SETBP1: variants seen among roughly 807,000 people sequenced by gnomAD.
The protein encoded by SETBP1 is SET-binding protein.
A neutral mutation model predicts 101.0 loss-of-function variants in SETBP1; 9 were observed. That is an observed-to-expected ratio of 0.09 (90% CI 0.05 to 0.16). SETBP1 has a LOEUF of 0.16. SETBP1 is among the 10% of genes least tolerant of loss of function. The probability of loss-of-function intolerance (pLI) is 1.00; values close to 1 mark genes in which losing one functional copy is unlikely to be tolerated. For synonymous variants in SETBP1, 818 were observed against 788.5 expected (o/e 1.04, Z -0.63); for missense variants, 1,858 against 2,033.8 (o/e 0.91, Z 1.66).
chr18:44,977,115 A>G (rs989355847), intron 4 of SETBP1, among the ~76,000 whole-genome samples: 2 of 152,152 alleles, frequency 1.3e-5, no homozygotes, highest in Non-Finnish European at 2.9e-5. Context: ...ATGGTCCTTA[A>G]CCTTCACTGT....
chr18:44,735,936 G>A (rs1264177873), intron 2 of SETBP1, among the ~76,000 whole-genome samples: 1 of 152,206 alleles, frequency 6.6e-6, no homozygotes, highest in African/African-American at 2.4e-5. Context: ...GCTATCTTCA[G>A]CTGCTGTGGT....
chr18:45,038,763 C>A, intron 5 of SETBP1, 108 bp downstream of exon 5: 1 of 1,194,576 alleles, frequency 8.4e-7, no homozygotes, highest in Non-Finnish European at 1.2e-6. Flanking sequence ...GTTTTGCCAT[C>A]CTCCCCTAGA....
intron 4 of SETBP1, among the ~76,000 whole-genome samples, chr18:44,998,000 C>T (rs1301940897): frequency 6.6e-6 from 1 of 152,180 alleles, no homozygotes; most frequent in Non-Finnish European, 1.5e-5. Flanking sequence ...ATCTTTAGCA[C>T]ATATTGTAAC....
chr18:44,688,567 C>T (rs2068875810), intron 1 of SETBP1, among the ~76,000 whole-genome samples: 1 of 151,808 alleles, frequency 6.6e-6, no homozygotes, highest in Non-Finnish European at 1.5e-5. Context: ...ATTCTCCTGC[C>T]TCAGCCTCCC....
rs570387384 is a variant in SETBP1, at chr18:45,029,046, T to C, written c.4001-9439T>C. Among the ~76,000 whole-genome samples the C allele has an allele frequency of 7.2e-5, 11 of 152,368 alleles. No individual in the cohort carries two copies. In the South Asian group the frequency reaches 2.3e-3, roughly 32 times the overall value. On this transcript the variant is annotated intron_variant, in intron 4 of 5. Coordinates refer to ENST00000649279, the MANE Select transcript of SETBP1 (RefSeq NM_015559.3). ...TCCTATTTGTCAATTTTGGCTTTTG[T>C]TGCCATTGTTTTTGGTGTTTTAGAC...
chr18:44,781,479 G>A (rs982233823), intron 2 of SETBP1, among the ~76,000 whole-genome samples: 1 of 146,954 alleles, frequency 6.8e-6, no homozygotes, highest in African/African-American at 2.5e-5. Context: ...CTCTGTCTCT[G>A]TCTCTCTCTC....
chr18:44,823,446 G>A (rs945626036), intron 2 of SETBP1, among the ~76,000 whole-genome samples: 47 of 152,310 alleles, frequency 3.1e-4, no homozygotes, highest in African/African-American at 1.1e-3. Context: ...GCAAATAAAT[G>A]ATTCAGCAGG....
At chr18:44,823,405 C>CT (rs373373204) in intron 2 of SETBP1, among the ~76,000 whole-genome samples, 46 of 152,344 alleles carry the variant, frequency 3.0e-4, no homozygotes, top group Admixed American at 3.9e-4. Context: ...TCCCTCTCTG[C>CT]TCTAACAATA....
At chr18:44,927,765 TG>T (rs1307815486) in intron 3 of SETBP1, among the ~76,000 whole-genome samples, 1 of 152,164 alleles carries the variant, frequency 6.6e-6, no homozygotes, top group Non-Finnish European at 1.5e-5. Flanking sequence ...CTAGAACTGT[TG>T]CCAAAAGGGA....
At chr18:44,766,907 C>A (rs2070773044) in intron 2 of SETBP1, among the ~76,000 whole-genome samples, 1 of 152,076 alleles carries the variant, frequency 6.6e-6, no homozygotes, top group Admixed American at 6.5e-5. Context: ...AAACTTATAT[C>A]TTTGAGTATG....
intron 3 of SETBP1, among the ~76,000 whole-genome samples, chr18:44,931,068 G>T (rs574265169): frequency 2.0e-5 from 3 of 152,108 alleles, no homozygotes; most frequent in Non-Finnish European, 4.4e-5. Flanking sequence ...TTTCTCTTGT[G>T]GGCATTTAGT....
intron 2 of SETBP1, among the ~76,000 whole-genome samples, chr18:44,730,062 G>A (rs191761541): frequency 1.3e-5 from 2 of 152,320 alleles, no homozygotes; most frequent in South Asian, 2.1e-4. Context: ...AAAACTCAGC[G>A]TGGAACATCT....
At chr18:44,924,083 T>C (rs1356680016) in intron 3 of SETBP1, among the ~76,000 whole-genome samples, 1 of 152,174 alleles carries the variant, frequency 6.6e-6, no homozygotes, top group Non-Finnish European at 1.5e-5. Context: ...TATTTGGCTG[T>C]AGACAGACAC....
At chr18:44,885,129 G>A (rs1003944568) in intron 3 of SETBP1, among the ~76,000 whole-genome samples, 1 of 152,080 alleles carries the variant, frequency 6.6e-6, no homozygotes, top group African/African-American at 2.4e-5. Context: ...TATCAGAATG[G>A]CGTCTAGACC....
At chr18:44,905,483 G>A (rs2070153014) in intron 3 of SETBP1, among the ~76,000 whole-genome samples, 1 of 152,170 alleles carries the variant, frequency 6.6e-6, no homozygotes, top group African/African-American at 2.4e-5. Flanking sequence ...CAGTAACTAT[G>A]TCTGGATGGA....
At chr18:44,997,507 CTTAGGTAGAGGTCACTA>C (rs2072523729) in intron 4 of SETBP1, among the ~76,000 whole-genome samples, 1 of 152,142 alleles carries the variant, frequency 6.6e-6, no homozygotes. Context: ...ACAGTTTCCC[CTTAGGTAGAGGTCACTA>C]TACAATGGAG....
chr18:44,805,880 T>TA (rs2071721319), intron 2 of SETBP1, among the ~76,000 whole-genome samples: 3 of 152,100 alleles, frequency 2.0e-5, no homozygotes, highest in African/African-American at 7.2e-5. Flanking sequence ...GATAAGGCAG[T>TA]GGTAGGGCTA....
chr18:45,022,428 A>G (rs2073089923), intron 4 of SETBP1, among the ~76,000 whole-genome samples: 1 of 152,160 alleles, frequency 6.6e-6, no homozygotes, highest in African/African-American at 2.4e-5. Flanking sequence ...GCTGAGTGCA[A>G]CCACCTTCTC....
intron 2 of SETBP1, among the ~76,000 whole-genome samples, chr18:44,808,566 C>A (rs554950180): frequency 6.6e-6 from 1 of 152,236 alleles, no homozygotes; most frequent in Non-Finnish European, 1.5e-5. Flanking sequence ...ACAGCACATG[C>A]GTCGACAGAA....
Sources: gnomAD v4.1 joint callset for allele counts (sites outside exome capture counted in the v4.1 genomes callset) on GRCh38, gnomAD v4.1.1 for gene constraint, MANE v1.5 for transcripts, NCBI Gene and HGNC (gene_info 2026-07-23, HGNC 2026-07-21) for gene names.